The following PDXP variants were observed in gnomAD, a reference collection of about 807,000 sequenced individuals.
PDXP encodes the protein chronophin.
Under a neutral mutation model 14.4 loss-of-function variants are expected in PDXP, and 15 were observed. The observed-to-expected ratio is 1.04, with a 90% CI of 0.70 to 1.60. The LOEUF (loss-of-function observed/expected upper bound fraction) is 1.60. Among genes scored for constraint, PDXP ranks in the 40% most tolerant of loss-of-function variants. The probability of loss-of-function intolerance (pLI) is 0.00; values close to 1 mark genes in which losing one functional copy is unlikely to be tolerated. For synonymous variants in PDXP, 233 were observed against 205.6 expected (o/e 1.13, Z -1.14); for missense variants, 413 against 427.6 (o/e 0.97, Z 0.30).
chr22:37,658,900 G>A lies in PDXP; in HGVS notation c.118G>A (p.Ala40Thr). 1 of 1,225,848 alleles carries A rather than the reference G, an allele frequency of 8.2e-7. No homozygotes were observed. Among genetic ancestry groups the A allele is most frequent in the African/African-American group, 1.6e-5 (1 of 63,938 alleles). The allele number at this position is 1,225,848 out of a possible 1,614,324, so 75.9% of individuals were successfully genotyped here. The change falls in exon 1 of 2, where the codon GCC (alanine) becomes ACC (threonine). Residue 40 changes from alanine (A) to threonine (T), a missense_variant. Physicochemically the swap from Ala to Thr is moderately conservative, Grantham distance 58. Coordinates refer to ENST00000215904, the MANE Select transcript of PDXP (RefSeq NM_020315.5). ...GAACGGCGAGCGCGCCGTGCCGGGC[G>A]CCCCGGAGCTGCTGGAGCGGCTGGC... ...LWNGERAVPGAPELLERLARA... is the reference protein window; with the variant it reads ...LWNGERAVPGTPELLERLARA...
At position 37,658,755 on chromosome 22, in the gene PDXP, C is replaced by CGCGGGAG. The variant is rs1933127608; in HGVS notation, c.-25_-19dup. ...CGCCGTGCCCGCGGAGAGAGCGCGG[C>CGCGGGAG]GCGGGAGGCCGGCGGCCGGCCGGCT... On this transcript the variant is annotated 5_prime_UTR_variant, in exon 1 of 2. Transcript: ENST00000215904. 1.7e-6 allele frequency: 2 copies of CGCGGGAG among 1,148,242 alleles called. No individual in the cohort carries two copies. The highest frequency in any genetic ancestry group is 4.2e-5 in the East Asian group (1 of 23,668). The allele number at this position is 1,148,242 out of a possible 1,614,324, so 71.1% of individuals were successfully genotyped here.
intron 1 of PDXP, chr22:37,664,984 T>A (rs1921018149): frequency 6.4e-6 from 1 of 157,464 alleles, no homozygotes; most frequent in South Asian, 1.9e-4. Flanking sequence ...CCAAAGGGGC[T>A]GTGCCAGTTT....
rs118076788 is a variant in PDXP at position 37,664,938 on chromosome 22, G to C, written c.575-617G>C. ...CACTTTCCCGGGGGACGCGGACTGG[G>C]TCAGAGGTGCGAACATTTCTGTGCC... On this transcript the variant is annotated intron_variant, in intron 1 of 1. Coordinates refer to ENST00000215904, the MANE Select transcript of PDXP (RefSeq NM_020315.5). The C allele has an allele frequency of 1.3e-3, 203 of 153,732 alleles. 1 individual carries two copies. Among genetic ancestry groups the C allele is most frequent in the Non-Finnish European group, 2.0e-3 (137 of 68,998 alleles). The allele number at this position is 153,732 out of a possible 1,614,324, so 9.5% of individuals were successfully genotyped here.
rs763030330 is a variant in PDXP, at chr22:37,661,917, A to ATTT, written c.574+2601_574+2603dup. ...CTTTTATTCTCTCTCTTTTTCTTTA[A>ATTT]TTTTTTTTTTTTTTTTTTTTTTTTT... On this transcript the variant is annotated intron_variant, in intron 1 of 1. Transcript: ENST00000215904. 1.8e-3 allele frequency among the ~76,000 whole-genome samples: 129 copies of ATTT among 71,202 alleles called. 3 individuals carry two copies. Among genetic ancestry groups the ATTT allele is most frequent in the Non-Finnish European group, 2.4e-3 (93 of 38,934 alleles). The allele number at this position is 71,202 out of a possible 152,430, so 46.7% of individuals were successfully genotyped here.
At position 37,658,941 on chromosome 22, in the gene PDXP, G is replaced by A; in HGVS notation, c.159G>A (p.Ala53=). The A allele has an allele frequency of 8.2e-7, 1 of 1,213,900 alleles. No individual in the cohort carries two copies. The highest frequency in any genetic ancestry group is 1.0e-6 in the Non-Finnish European group (1 of 973,550). 75.2% of individuals were successfully genotyped at this position (1,213,900 alleles called of 1,614,324 possible). The part of the protein sequence containing the change: ...LLERLARAGK[A]ALFVSNNSRR... ...AGCGGCTGGCGCGGGCCGGCAAGGC[G>A]GCTCTGTTTGTGAGCAACAACAGCC... Residue 53 remains alanine (A), a synonymous_variant, in exon 1 of 2, where the codon GCG becomes GCA. Coordinates refer to ENST00000215904, the MANE Select transcript of PDXP (RefSeq NM_020315.5).
rs779069897 is a variant in PDXP, at chr22:37,658,876, A to G, written c.94A>G (p.Asn32Asp). ...VLFDCDGVLW[N>D]GERAVPGAPE... Reference sequence around the variant, plus strand: ...GTTCGACTGTGACGGGGTGCTGTGGAACGGCGAGCGCGCCGTGCCGGGCGC... The same window carrying G: ...GTTCGACTGTGACGGGGTGCTGTGGGACGGCGAGCGCGCCGTGCCGGGCGC... The change falls in exon 1 of 2, where the codon AAC becomes GAC. Residue 32 changes from asparagine to aspartate, a missense_variant. By Grantham distance (23) the Asn-to-Asp change is conservative. Coordinates refer to ENST00000215904, the MANE Select transcript of PDXP (RefSeq NM_020315.5). The G allele has an allele frequency of 2.7e-4, 331 of 1,219,954 alleles. No individual in the cohort carries two copies. The highest frequency in any genetic ancestry group is 3.0e-4 in the Non-Finnish European group (298 of 979,082). 75.6% of individuals were successfully genotyped at this position (1,219,954 alleles called of 1,614,324 possible).
chr22:37,662,436 T>C (rs1223673533), intron 1 of PDXP, among the ~76,000 whole-genome samples: 1 of 152,144 alleles, frequency 6.6e-6, no homozygotes, highest in Non-Finnish European at 1.5e-5. Flanking sequence ...AAACATGGAA[T>C]AGCAGGGAAA....
Position 37,666,077 on chromosome 22 carries a change from G to T in PDXP, c.*206G>T, listed in dbSNP as rs1037919757. 9.7e-6 allele frequency: 6 copies of T among 618,988 alleles called. No homozygotes were observed. Among genetic ancestry groups the T allele is most frequent in the Non-Finnish European group, 1.8e-5 (6 of 341,874 alleles). The allele number at this position is 618,988 out of a possible 1,614,324, so 38.3% of individuals were successfully genotyped here. On this transcript the variant is annotated 3_prime_UTR_variant, in exon 2 of 2. Coordinates refer to ENST00000215904, the MANE Select transcript of PDXP (RefSeq NM_020315.5). ...GCACTCTTTGCTGCCCCAGAAGCTG[G>T]TCCCCTATGGATTCATCTTGGCCTG...
In PDXP at chr22:37,658,778, G is replaced by T; in HGVS notation, c.-5G>T. The T allele has an allele frequency of 1.7e-6, 2 of 1,167,692 alleles. No individual in the cohort carries two copies. 72.3% of individuals were successfully genotyped at this position (1,167,692 alleles called of 1,614,324 possible). On this transcript the variant is annotated 5_prime_UTR_variant, in exon 1 of 2. Transcript: ENST00000215904. ...GGCGCGGGAGGCCGGCGGCCGGCCGGCTGCATGGCGCGCTGCGAGAGGCTG... is the reference window on the plus strand; with the variant it reads ...GGCGCGGGAGGCCGGCGGCCGGCCGTCTGCATGGCGCGCTGCGAGAGGCTG...
At position 37,658,753 on chromosome 22, in the gene PDXP, G is replaced by A; in HGVS notation, c.-30G>A. ...CGCGCCGTGCCCGCGGAGAGAGCGC[G>A]GCGCGGGAGGCCGGCGGCCGGCCGG... On this transcript the variant is annotated 5_prime_UTR_variant, in exon 1 of 2. Coordinates refer to ENST00000215904, the MANE Select transcript of PDXP (RefSeq NM_020315.5). The A allele has an allele frequency of 1.8e-6, 2 of 1,130,324 alleles. No individual in the cohort carries two copies. Among genetic ancestry groups the A allele is most frequent in the Middle Eastern group, 3.6e-4 (1 of 2,750 alleles). The allele number at this position is 1,130,324 out of a possible 1,614,324, so 70.0% of individuals were successfully genotyped here. A position where few individuals can be genotyped will look rare whatever the true frequency, so the allele number is the denominator to read the frequency against.
In PDXP at chr22:37,658,957, A is replaced by C. The variant is rs1211231946; in HGVS notation, c.175A>C (p.Asn59His). 5.8e-6 allele frequency: 7 copies of C among 1,209,788 alleles called. 1 individual carries two copies. Among genetic ancestry groups the C allele is most frequent in the Non-Finnish European group, 7.2e-6 (7 of 971,852 alleles). 74.9% of individuals were successfully genotyped at this position (1,209,788 alleles called of 1,614,324 possible). The change falls in exon 1 of 2, where the codon AAC (asparagine) becomes CAC (histidine). Residue 59 changes from asparagine to histidine, a missense_variant. Coordinates refer to ENST00000215904, the MANE Select transcript of PDXP (RefSeq NM_020315.5). ...CGGCAAGGCGGCTCTGTTTGTGAGC[A>C]ACAACAGCCGGCGCGCGCGGCCCGA... is the stretch of plus-strand genomic sequence containing the variant. The part of the protein sequence containing the change: ...RAGKAALFVS[N>H]NSRRARPELA...
At position 37,659,341 on chromosome 22, in the gene PDXP, G is replaced by C; in HGVS notation, c.559G>C (p.Gly187Arg). The C allele has an allele frequency of 3.1e-6, 4 of 1,300,770 alleles. No individual in the cohort carries two copies. The highest frequency in any genetic ancestry group is 3.9e-6 in the Non-Finnish European group (4 of 1,022,434). 80.6% of individuals were successfully genotyped at this position (1,300,770 alleles called of 1,614,324 possible). A position where few individuals can be genotyped will look rare whatever the true frequency, so the allele number is the denominator to read the frequency against. ...TGACCCATGGCACCCGCTGAGCGACGGCAGCCGGACCCCTGGTGAGCGCGG... is the reference window on the plus strand; with the variant it reads ...TGACCCATGGCACCCGCTGAGCGACCGCAGCCGGACCCCTGGTGAGCGCGG... ...DRDPWHPLSD[G>R]SRTPGTGSLA... The change falls in exon 1 of 2, where the codon GGC becomes CGC. Residue 187 changes from glycine (G) to arginine (R), a missense_variant. Transcript: ENST00000215904.
chr22:37,665,941 C>A lies in PDXP; in HGVS notation c.*70C>A. 6.9e-7 allele frequency: 1 copy of A among 1,448,884 alleles called. No individual in the cohort carries two copies. The highest frequency in any genetic ancestry group is 1.3e-5 in the South Asian group (1 of 79,276). 89.8% of individuals were successfully genotyped at this position (1,448,884 alleles called of 1,614,324 possible). A position where few individuals can be genotyped will look rare whatever the true frequency, so the allele number is the denominator to read the frequency against. ...GATCCCGTAGGTGGAGGCGATGGGT[C>A]ACGAGCCATGTTAAGCACAACCGGC... is the stretch of plus-strand genomic sequence containing the variant. On this transcript the variant is annotated 3_prime_UTR_variant, in exon 2 of 2. Transcript: ENST00000215904.
intron 1 of PDXP, among the ~76,000 whole-genome samples, chr22:37,664,420 C>T (rs1012070821): frequency 6.6e-6 from 1 of 152,170 alleles, no homozygotes; most frequent in African/African-American, 2.4e-5. Flanking sequence ...ATAGTACCTT[C>T]CTTTAACAAC....
rs1933149461 is a variant in PDXP, at chr22:37,659,221, C to G, written c.439C>G (p.Leu147Val). The change falls in exon 1 of 2, where the codon CTT becomes GTT. Residue 147 changes from leucine to valine, a missense_variant. Leu to Val is a conservative substitution (Grantham distance 32). Coordinates refer to ENST00000215904, the MANE Select transcript of PDXP (RefSeq NM_020315.5). ...DGAAPRVRAV[L>V]VGYDEHFSFA... ...CGCGGCCCCGCGCGTGCGCGCCGTG[C>G]TTGTGGGCTACGACGAGCACTTCTC... 3.8e-6 allele frequency: 5 copies of G among 1,302,250 alleles called. No homozygotes were observed. Among genetic ancestry groups the G allele is most frequent in the African/African-American group, 1.5e-5 (1 of 66,436 alleles). The allele number at this position is 1,302,250 out of a possible 1,614,324, so 80.7% of individuals were successfully genotyped here.
At chr22:37,663,360 A>G (rs1446769848) in intron 1 of PDXP, among the ~76,000 whole-genome samples, 1 of 150,806 alleles carries the variant, frequency 6.6e-6, no homozygotes, top group Non-Finnish European at 1.5e-5. Flanking sequence ...TTTTTTTGAG[A>G]CAGGGTCTCG....
Position 37,658,773 on chromosome 22 carries a change from G to C in PDXP, c.-10G>C. The C allele has an allele frequency of 8.6e-7, 1 of 1,165,234 alleles. No individual in the cohort carries two copies. Among genetic ancestry groups the C allele is most frequent in the Non-Finnish European group, 1.1e-6 (1 of 945,168 alleles). 72.2% of individuals were successfully genotyped at this position (1,165,234 alleles called of 1,614,324 possible). ...AGCGCGGCGCGGGAGGCCGGCGGCCGGCCGGCTGCATGGCGCGCTGCGAGA... is the reference window on the plus strand; with the variant it reads ...AGCGCGGCGCGGGAGGCCGGCGGCCCGCCGGCTGCATGGCGCGCTGCGAGA... On this transcript the variant is annotated 5_prime_UTR_variant, in exon 1 of 2. Coordinates refer to ENST00000215904, the MANE Select transcript of PDXP (RefSeq NM_020315.5).
rs766216071 is a variant in PDXP at position 37,665,901 on chromosome 22, C to T, written c.*30C>T. 7 of 1,589,402 alleles carry T rather than the reference C, an allele frequency of 4.4e-6. No individual in the cohort carries two copies. In the South Asian group the frequency reaches 7.8e-5, roughly 18 times the overall value. On this transcript the variant is annotated 3_prime_UTR_variant, in exon 2 of 2. Coordinates refer to ENST00000215904, the MANE Select transcript of PDXP (RefSeq NM_020315.5). ...ACTGCACCTGCAGCCACAGGCCCAC[C>T]CCTCCCCACTCCCTGATCCCGTAGG...
rs1303615029 is a variant in PDXP, at chr22:37,666,140, C to T, written c.*269C>T. On this transcript the variant is annotated 3_prime_UTR_variant, in exon 2 of 2. Transcript: ENST00000215904. ...GGCCTTATTTCTTCCCTGTCACCTC[C>T]CCTCCTTGAAATCTGGGCCCTGGTG... 1 of 540,356 alleles carries T rather than the reference C, an allele frequency of 1.9e-6. No individual in the cohort carries two copies. The highest frequency in any genetic ancestry group is 3.4e-6 in the Non-Finnish European group (1 of 293,532). The allele number at this position is 540,356 out of a possible 1,614,324, so 33.5% of individuals were successfully genotyped here.
Sources: gnomAD v4.1 joint callset for allele counts (sites outside exome capture counted in the v4.1 genomes callset) on GRCh38, gnomAD v4.1.1 for gene constraint, MANE v1.5 for transcripts, NCBI Gene and HGNC (gene_info 2026-07-23, HGNC 2026-07-21) for gene names.